Variants in PIAS1 observed in about 807,000 individuals in gnomAD.
PIAS1 encodes the protein E3 SUMO-protein ligase PIAS1.
Under a neutral mutation model 71.3 loss-of-function variants are expected in PIAS1, and 6 were observed. That is an observed-to-expected ratio of 0.08 (90% CI 0.05 to 0.17). The LOEUF (loss-of-function observed/expected upper bound fraction) is 0.17. Ranked by LOEUF, PIAS1 falls within the 10% of genes least tolerant of loss-of-function variation. PIAS1 has a pLI of 1.00. For missense variants in PIAS1, 555 were observed against 793.6 expected (o/e 0.70, Z 3.61); for synonymous variants, 303 against 292.9 (o/e 1.03, Z -0.35).
Position 68,173,704 on chromosome 15 carries a change from A to G in PIAS1, c.1009-28A>G, listed in dbSNP as rs942535881. The G allele has an allele frequency of 2.7e-6, 4 of 1,482,238 alleles. No homozygotes were observed. The highest frequency in any genetic ancestry group is 1.4e-5 in the African/African-American group (1 of 71,406). 91.8% of individuals were successfully genotyped at this position (1,482,238 alleles called of 1,614,324 possible). On this transcript the variant is annotated intron_variant, in intron 8 of 13. Coordinates refer to ENST00000249636, the MANE Select transcript of PIAS1 (RefSeq NM_016166.3). This position sits in a 1 kb window ranked among gnomAD's most constrained non-coding sequence, Gnocchi z 4.3. ...CTTAAATGTTGAATAGCAATTATCT[A>G]ATATTTACTTTTTCTCCCTTTTTAA...
intron 6 of PIAS1, 109 bp from the exon 7 acceptor site, chr15:68,153,481 G>A (rs1012178656): frequency 6.6e-6 from 4 of 605,090 alleles, no homozygotes; most frequent in South Asian, 6.1e-5. Flanking sequence ...TTGACACACA[G>A]TAGGTGTTTT....
Position 68,164,634 on chromosome 15 carries a change from A to T in PIAS1, c.935-97A>T. 9.9e-6 allele frequency: 6 copies of T among 603,484 alleles called. No individual in the cohort carries two copies. The South Asian group carries it at 1.5e-4, about 15-fold the overall frequency. 37.4% of individuals were successfully genotyped at this position (603,484 alleles called of 1,614,324 possible). On this transcript the variant is annotated intron_variant, in intron 7 of 13. Transcript: ENST00000249636. Reference sequence around the variant, plus strand: ...AATTGATTGGGAAATAATTGAACAGATTTGTTTAAGCTTTTTATTCTTTAT... The same window carrying T: ...AATTGATTGGGAAATAATTGAACAGTTTTGTTTAAGCTTTTTATTCTTTAT...
chr15:68,186,462 T>TA lies in PIAS1; in HGVS notation c.1663-1074dup, dbSNP rs1444894127. On this transcript the variant is annotated intron_variant, in intron 13 of 13. Transcript: ENST00000249636. This position sits in a 1 kb window ranked among gnomAD's most constrained non-coding sequence, Gnocchi z 4.4. Reference sequence around the variant, plus strand: ...TTAAGTGTTACAAGAGTCAAAGTTTTAAAAAATCAGTTTATAAAGTAAAAT... The same window carrying TA: ...TTAAGTGTTACAAGAGTCAAAGTTTTAAAAAAATCAGTTTATAAAGTAAAAT... Among the ~76,000 whole-genome samples, 4 of 152,394 alleles carry TA rather than the reference T, an allele frequency of 2.6e-5. No individual in the cohort carries two copies. Among genetic ancestry groups the TA allele is most frequent in the East Asian group, 3.8e-4 (2 of 5,196 alleles).
In PIAS1 at chr15:68,189,000, CAAGAT is replaced by C. The variant is rs769479427; in HGVS notation, c.*1166_*1170del. 1 of 152,204 alleles carries C rather than the reference CAAGAT, an allele frequency of 6.6e-6. No individual in the cohort carries two copies. The highest frequency in any genetic ancestry group is 2.4e-5 in the African/African-American group (1 of 41,440). 9.4% of individuals were successfully genotyped at this position (152,204 alleles called of 1,614,324 possible). On this transcript the variant is annotated 3_prime_UTR_variant, in exon 14 of 14. Coordinates refer to ENST00000249636, the MANE Select transcript of PIAS1 (RefSeq NM_016166.3). ...TACTATTTGATAAACAGTTGAAATTCAAGATGTGTTTGACCCTTAGTCATTTTTAC... is the reference window on the plus strand; with the variant it reads ...TACTATTTGATAAACAGTTGAAATTCGTGTTTGACCCTTAGTCATTTTTAC...
At chr15:68,090,702 A>G (rs995719806) in intron 2 of PIAS1, among the ~76,000 whole-genome samples, 2 of 152,146 alleles carry the variant, frequency 1.3e-5, no homozygotes, top group African/African-American at 4.8e-5. Flanking sequence ...AGGGATGGGA[A>G]ATAGAGTAGG....
intron 1 of PIAS1, among the ~76,000 whole-genome samples, chr15:68,073,643 A>AG (rs1268055569): frequency 1.3e-5 from 2 of 152,090 alleles, no homozygotes; most frequent in Non-Finnish European, 1.5e-5. Context: ...CTGGGATAGG[A>AG]GGGGGGAGAA....
intron 4 of PIAS1, among the ~76,000 whole-genome samples, chr15:68,145,025 A>G (rs780926894): frequency 2.5e-4 from 38 of 152,196 alleles, no homozygotes; most frequent in African/African-American, 6.3e-4. Context: ...TAACAGTGCA[A>G]TGAGCCTTAG....
intron 2 of PIAS1, among the ~76,000 whole-genome samples, chr15:68,127,730 C>G (rs2092660872): frequency 6.6e-6 from 1 of 152,026 alleles, no homozygotes; most frequent in African/African-American, 2.4e-5. Context: ...ACCAAGACCA[C>G]TTTTTTCCTT....
At chr15:68,079,460 A>G (rs1218845060) in intron 1 of PIAS1, among the ~76,000 whole-genome samples, 2 of 151,962 alleles carry the variant, frequency 1.3e-5, no homozygotes, top group African/African-American at 4.8e-5. Context: ...AAGCCCTTTA[A>G]AATTTTTTTT....
rs553374128 is a variant in PIAS1 at position 68,124,406 on chromosome 15, GT to G, written c.470-17528del. ...GTGGTTTTTTTTGTTGTTGTTTTTTGTTTTTTTTTTTTCATTCAAAGTTATA... is the reference window on the plus strand; with the variant it reads ...GTGGTTTTTTTTGTTGTTGTTTTTTGTTTTTTTTTTTCATTCAAAGTTATA... On this transcript the variant is annotated intron_variant, in intron 2 of 13. Coordinates refer to ENST00000249636, the MANE Select transcript of PIAS1 (RefSeq NM_016166.3). 1.2e-3 allele frequency among the ~76,000 whole-genome samples: 169 copies of G among 143,194 alleles called. 2 individuals are homozygous for G. The highest frequency in any genetic ancestry group is 4.6e-3 in the East Asian group (22 of 4,788). The allele number at this position is 143,194 out of a possible 152,430, so 93.9% of individuals were successfully genotyped here.
Position 68,075,078 on chromosome 15 carries a change from CTTTTTTTTTT to C in PIAS1, c.25-11211_25-11202del, listed in dbSNP as rs146114696. Among the ~76,000 whole-genome samples the C allele has an allele frequency of 8.3e-3, 682 of 81,794 alleles. 6 individuals carry two copies. Among genetic ancestry groups the C allele is most frequent in the Middle Eastern group, 0.018 (2 of 112 alleles). 53.7% of individuals were successfully genotyped at this position (81,794 alleles called of 152,430 possible). The stretch of plus-strand genomic sequence containing the variant: ...ATAAAAACATTTTCTTTCTTTCTTT[CTTTTTTTTTT>C]TTTTTTTTTTTTTTTTGAGGCGGAG... On this transcript the variant is annotated intron_variant, in intron 1 of 13. Transcript: ENST00000249636.
intron 1 of PIAS1, among the ~76,000 whole-genome samples, chr15:68,079,972 A>C (rs1021873555): frequency 6.6e-6 from 1 of 152,110 alleles, no homozygotes; most frequent in Non-Finnish European, 1.5e-5. Context: ...AGCTAGGATT[A>C]CAGGCATGCA....
At chr15:68,056,009 C>A (rs766282408) in intron 1 of PIAS1, 6 of 673,128 alleles carry the variant, frequency 8.9e-6, no homozygotes, top group South Asian at 1.6e-5. Flanking sequence ...TGATTTTTCC[C>A]CAGTTTCAAA....
At chr15:68,121,860 G>A (rs1375252537) in intron 2 of PIAS1, among the ~76,000 whole-genome samples, 1 of 152,174 alleles carries the variant, frequency 6.6e-6, no homozygotes, top group Admixed American at 6.5e-5. Flanking sequence ...GGGCATGGTG[G>A]CTCACACCTG....
chr15:68,063,989 G>T (rs1372800267), intron 1 of PIAS1, among the ~76,000 whole-genome samples: 3 of 151,806 alleles, frequency 2.0e-5, no homozygotes, highest in Non-Finnish European at 2.9e-5. Context: ...CTCAATCCTT[G>T]AGTACATTTA....
At position 68,159,826 on chromosome 15, in the gene PIAS1, T is replaced by C. The variant is rs930650856; in HGVS notation, c.935-4905T>C. Among the ~76,000 whole-genome samples the C allele has an allele frequency of 2.7e-4, 41 of 152,262 alleles. 1 individual carries two copies. In the Middle Eastern group the frequency reaches 0.024, roughly 88 times the overall value. On this transcript the variant is annotated intron_variant, in intron 7 of 13. Coordinates refer to ENST00000249636, the MANE Select transcript of PIAS1 (RefSeq NM_016166.3). ...TCAGTTTTGTAGACATATGTTTTCA[T>C]TTCTCTTGGGTAAATACCTAGGAGT...
At chr15:68,091,782 A>G (rs537265841) in intron 2 of PIAS1, among the ~76,000 whole-genome samples, 2 of 152,316 alleles carry the variant, frequency 1.3e-5, no homozygotes, top group South Asian at 4.1e-4. Flanking sequence ...AACATCTAAC[A>G]CAAGTCCTGT....
intron 2 of PIAS1, among the ~76,000 whole-genome samples, chr15:68,116,659 G>A (rs1005812159): frequency 3.3e-5 from 5 of 151,504 alleles, no homozygotes; most frequent in African/African-American, 4.9e-5. Flanking sequence ...GTTTCTTAAG[G>A]TATAAACTGA....
At chr15:68,071,906 C>T (rs1457465444) in intron 1 of PIAS1, among the ~76,000 whole-genome samples, 3 of 152,022 alleles carry the variant, frequency 2.0e-5, no homozygotes, top group African/African-American at 7.2e-5. Flanking sequence ...CATGATCATG[C>T]TACTGCATTC....
Sources: allele counts gnomAD v4.1 joint callset (sites outside exome capture counted in the v4.1 genomes callset), GRCh38; gene constraint gnomAD v4.1.1; non-coding constraint Gnocchi (gnomAD v3.1); transcripts MANE v1.5; gene names NCBI Gene and HGNC (gene_info 2026-07-23, HGNC 2026-07-21).